Variants in LINS1 observed in about 807,000 individuals in gnomAD.
LINS1 encodes the protein protein Lines homolog 1.
Under a neutral mutation model 41.6 loss-of-function variants are expected in LINS1, and 27 were observed. That is an observed-to-expected ratio of 0.65 (90% CI 0.48 to 0.89). The LOEUF (loss-of-function observed/expected upper bound fraction) is 0.89. Ranked by LOEUF, LINS1 falls within the 40% of genes least tolerant of loss-of-function variation. The probability of loss-of-function intolerance (pLI) is 0.00; values close to 1 mark genes in which losing one functional copy is unlikely to be tolerated. For missense variants in LINS1, 955 were observed against 884.1 expected, an observed-to-expected ratio of 1.08 and a Z score of -1.02; for synonymous variants, 336 against 312.9, an observed-to-expected ratio of 1.07 and a Z score of -0.78.
chr15:100,569,245 G>C lies in LINS1; in HGVS notation c.2267C>G (p.Thr756Ser). 2 of 1,578,236 alleles carry C rather than the reference G, an allele frequency of 1.3e-6. No individual in the cohort carries two copies. Among genetic ancestry groups the C allele is most frequent in the Non-Finnish European group, 1.7e-6 (2 of 1,148,980 alleles). The change falls in exon 7 of 7, where the codon ACT becomes AGT. Residue 756 changes from threonine (T) to serine (S), a missense_variant. Coordinates refer to ENST00000314742, the MANE Select transcript of LINS1 (RefSeq NM_001040616.3). ...AAATAAAATGTCAATGTTTTACAAA[G>C]TGTTCATAGTTTTATTACTTATCAC... ...IEVISNKTMNTL is the reference protein window; with the variant it reads ...IEVISNKTMNSL
At chr15:100,582,436 G>A (rs1047894859) in intron 1 of LINS1, among the ~76,000 whole-genome samples, 3 of 138,286 alleles carry the variant, frequency 2.2e-5, no homozygotes, top group Non-Finnish European at 4.6e-5. Context: ...GTCTTATACT[G>A]GGTCTTCCAT....
Position 100,573,719 on chromosome 15 carries a change from G to A in LINS1, c.1154C>T (p.Ala385Val). 2 of 1,612,842 alleles carry A rather than the reference G, an allele frequency of 1.2e-6. No individual in the cohort carries two copies. Among genetic ancestry groups the A allele is most frequent in the South Asian group, 2.2e-5 (2 of 90,946 alleles). ...TSPDHVILRA[A>V]SLVIMKSLEI... The stretch of plus-strand genomic sequence containing the variant: ...TAAGGATTTCATTATAACTAAGCTT[G>A]CTGCTCTAAGGATCACATGATCTGG... Residue 385 changes from alanine (A) to valine (V), a missense_variant, in exon 5 of 7, where the codon GCA becomes GTA. Ala to Val is a moderately conservative substitution (Grantham distance 64). Transcript: ENST00000314742.
rs1406540415 is a variant in LINS1 at position 100,567,936 on chromosome 15, G to GT, written c.*1301dup. The GT allele has an allele frequency of 6.6e-6, 1 of 151,800 alleles. No individual in the cohort carries two copies. The highest frequency in any genetic ancestry group is 1.5e-5 in the Non-Finnish European group (1 of 67,982). 9.4% of individuals were successfully genotyped at this position (151,800 alleles called of 1,614,324 possible). Reference sequence around the variant, plus strand: ...GCCTTAATATATATTTTAATGTGCGGTAGGTTTAGTCTTTGTTCTGTTTCT... The same window carrying GT: ...GCCTTAATATATATTTTAATGTGCGGTTAGGTTTAGTCTTTGTTCTGTTTCT... On this transcript the variant is annotated 3_prime_UTR_variant, in exon 7 of 7. Transcript: ENST00000314742.
intron 1 of LINS1, among the ~76,000 whole-genome samples, chr15:100,582,631 C>T (rs1218536819): frequency 4.3e-4 from 57 of 132,266 alleles, no homozygotes; most frequent in African/African-American, 1.4e-3. Flanking sequence ...CTTGGTCTTA[C>T]ACTGGGTCTT....
intron 1 of LINS1, among the ~76,000 whole-genome samples, chr15:100,596,739 G>A (rs1170768309): frequency 6.6e-6 from 1 of 152,198 alleles, no homozygotes; most frequent in Non-Finnish European, 1.5e-5. Context: ...TGTGCCAATG[G>A]GAAAGGGCTA....
Position 100,574,050 on chromosome 15 carries a change from T to G in LINS1, c.823A>C (p.Ile275Leu). 1 of 1,614,000 alleles carries G rather than the reference T, an allele frequency of 6.2e-7. No homozygotes were observed. The highest frequency in any genetic ancestry group is 1.1e-5 in the South Asian group (1 of 91,078). ...HLKLHFTCQR[I>L]LFLKPSCMLE... is the part of the protein sequence containing the mutation. The stretch of plus-strand genomic sequence containing the variant: ...ATGCAAGATGGTTTCAAAAATAAAA[T>G]CCTCTGGCAAGTGAAATGTAACTTC... The change falls in exon 5 of 7, where the codon ATT (isoleucine) becomes CTT (leucine). Residue 275 changes from isoleucine to leucine, a missense_variant. Transcript: ENST00000314742.
intron 5 of LINS1, chr15:100,573,009 T>G (rs1221908906): frequency 5.6e-6 from 1 of 177,032 alleles, no homozygotes; most frequent in Non-Finnish European, 1.1e-5. Context: ...TGCCTCAAAA[T>G]AAATAAACAG....
chr15:100,568,216 CTAAGATTTTACATTTGTAATA>C lies in LINS1; in HGVS notation c.*1001_*1021del, dbSNP rs1427704127. On this transcript the variant is annotated 3_prime_UTR_variant, in exon 7 of 7. Transcript: ENST00000314742. ...GTATAATCACTTCTCAAAGAAACGG[CTAAGATTTTACATTTGTAATA>C]TATCGCTTTCTGTGTAAATACCCCA... The C allele has an allele frequency of 6.6e-6, 1 of 152,062 alleles. No individual in the cohort carries two copies. Among genetic ancestry groups the C allele is most frequent in the Non-Finnish European group, 1.5e-5 (1 of 68,018 alleles). The allele number at this position is 152,062 out of a possible 1,614,324, so 9.4% of individuals were successfully genotyped here.
At chr15:100,579,067 C>A (rs910296302) in intron 3 of LINS1, among the ~76,000 whole-genome samples, 1 of 151,870 alleles carries the variant, frequency 6.6e-6, no homozygotes, top group African/African-American at 2.4e-5. Flanking sequence ...GGAGATACAC[C>A]TAATGTAAAT....
In LINS1 at chr15:100,569,433, A is replaced by G; in HGVS notation, c.2079T>C (p.Phe693=). The change falls in exon 7 of 7, where the codon TTT becomes TTC. Residue 693 remains phenylalanine (F), a synonymous_variant. Coordinates refer to ENST00000314742, the MANE Select transcript of LINS1 (RefSeq NM_001040616.3). Reference sequence around the variant, plus strand: ...CATCATTTGGGGCTACTTCACAATCAAAGGAGAAGGCAGTATCAAATTCTT... The same window carrying G: ...CATCATTTGGGGCTACTTCACAATCGAAGGAGAAGGCAGTATCAAATTCTT... The part of the protein sequence containing the change: ...VLKEFDTAFS[F]DCEVAPNDVV... 6.2e-7 allele frequency: 1 copy of G among 1,614,190 alleles called. No individual in the cohort carries two copies. The highest frequency in any genetic ancestry group is 8.5e-7 in the Non-Finnish European group (1 of 1,180,024).
At position 100,568,180 on chromosome 15, in the gene LINS1, C is replaced by G. The variant is rs2037622914; in HGVS notation, c.*1058G>C. ...TTTTTTAGAAAGAATCATGTTCATA[C>G]AGTAGGCCAGGTATAATCACTTCTC... On this transcript the variant is annotated 3_prime_UTR_variant, in exon 7 of 7. Transcript: ENST00000314742. 2 of 151,898 alleles carry G rather than the reference C, an allele frequency of 1.3e-5. No homozygotes were observed. The highest frequency in any genetic ancestry group is 4.8e-5 in the African/African-American group (2 of 41,340). The allele number at this position is 151,898 out of a possible 1,614,324, so 9.4% of individuals were successfully genotyped here.
At chr15:100,572,161 G>T in intron 5 of LINS1, 96 bp from the exon 6 acceptor site, 1 of 1,550,140 alleles carries the variant, frequency 6.5e-7, no homozygotes. Flanking sequence ...AGTACCTTAA[G>T]ATGCAATTAT....
chr15:100,569,152 TATG>T lies in LINS1; in HGVS notation c.*83_*85del. The T allele has an allele frequency of 1.1e-6, 1 of 878,880 alleles. No individual in the cohort carries two copies. Among genetic ancestry groups the T allele is most frequent in the Non-Finnish European group, 1.8e-6 (1 of 558,956 alleles). 54.4% of individuals were successfully genotyped at this position (878,880 alleles called of 1,614,324 possible). A position where few individuals can be genotyped will look rare whatever the true frequency, so the allele number is the denominator to read the frequency against. ...AAAAAAAAAAAAAAGAAAACCCTTT[TATG>T]GTGATGATTTTATACTATTACCTCA... On this transcript the variant is annotated 3_prime_UTR_variant, in exon 7 of 7. Coordinates refer to ENST00000314742, the MANE Select transcript of LINS1 (RefSeq NM_001040616.3).
intron 4 of LINS1, among the ~76,000 whole-genome samples, 177 bp downstream of exon 4, chr15:100,574,810 T>C (rs1021210574): frequency 1.3e-5 from 2 of 152,274 alleles, no homozygotes; most frequent in African/African-American, 4.8e-5. Flanking sequence ...ACTTTTTTCC[T>C]TATACTTTTT....
In LINS1 at chr15:100,569,452, A is replaced by G; in HGVS notation, c.2060T>C (p.Phe687Ser). 2 of 1,614,216 alleles carry G rather than the reference A, an allele frequency of 1.2e-6. No individual in the cohort carries two copies. The highest frequency in any genetic ancestry group is 1.7e-6 in the Non-Finnish European group (2 of 1,180,048). The change falls in exon 7 of 7, where the codon TTT (phenylalanine) becomes TCT (serine). Residue 687 changes from phenylalanine to serine, a missense_variant. Coordinates refer to ENST00000314742, the MANE Select transcript of LINS1 (RefSeq NM_001040616.3). Reference protein sequence around the residue: ...PPSRPLVLKEFDTAFSFDCEV... With the variant: ...PPSRPLVLKESDTAFSFDCEV... ...ACAATCAAAGGAGAAGGCAGTATCA[A>G]ATTCTTTCAGAACCAGAGGCCTTGA... is the stretch of plus-strand genomic sequence containing the variant.
chr15:100,577,020 C>T (rs575925936), intron 3 of LINS1, among the ~76,000 whole-genome samples: 22 of 152,128 alleles, frequency 1.4e-4, no homozygotes, highest in Admixed American at 4.6e-4. Flanking sequence ...ACTGATGGGA[C>T]GTATCTAAAA....
intron 1 of LINS1, among the ~76,000 whole-genome samples, chr15:100,595,673 T>A (rs2039214038): frequency 6.6e-6 from 1 of 152,210 alleles, no homozygotes; most frequent in South Asian, 2.1e-4. Context: ...TGGTCAATAT[T>A]AGAAGTAAAA....
intron 1 of LINS1, among the ~76,000 whole-genome samples, chr15:100,601,722 CTTG>C (rs902427096): frequency 2.1e-4 from 32 of 152,218 alleles, no homozygotes; most frequent in African/African-American, 7.0e-4. Context: ...CCAGTAAACA[CTTG>C]CTAATGAATA....
At position 100,569,683 on chromosome 15, in the gene LINS1, T is replaced by G. The variant is rs906361374; in HGVS notation, c.1829A>C (p.His610Pro). The change falls in exon 7 of 7, where the codon CAC (histidine) becomes CCC (proline). Residue 610 changes from histidine to proline, a missense_variant. By Grantham distance (77) the His-to-Pro change is moderately conservative. Coordinates refer to ENST00000314742, the MANE Select transcript of LINS1 (RefSeq NM_001040616.3). Reference protein sequence around the residue: ...PLKAVMSKGAHTMCASSLSSP... With the variant: ...PLKAVMSKGAPTMCASSLSSP... The stretch of plus-strand genomic sequence containing the variant: ...AGACAGACTAGAAGCACACATGGTG[T>G]GAGCCCCCTTGGACATCACAGCTTT... 1.2e-6 allele frequency: 2 copies of G among 1,613,782 alleles called. No homozygotes were observed. The highest frequency in any genetic ancestry group is 4.5e-5 in the East Asian group (2 of 44,894).
Sources: allele counts gnomAD v4.1 joint callset (sites outside exome capture counted in the v4.1 genomes callset), GRCh38; gene constraint gnomAD v4.1.1; transcripts MANE v1.5; gene names NCBI Gene and HGNC (gene_info 2026-07-23, HGNC 2026-07-21).